Variants in PDE4B observed in about 807,000 individuals in gnomAD.
PDE4B encodes phosphodiesterase 4B, also known as 3',5'-cyclic-AMP phosphodiesterase 4B.
PDE4B carries 20 observed loss-of-function variants against 82.2 expected under a neutral mutation model. The ratio of observed to expected loss-of-function variants is 0.24; its 90% CI spans 0.17 to 0.35. The LOEUF is 0.35. Among genes scored for constraint, PDE4B ranks in the 10% least tolerant of loss-of-function variants. The pLI is 1.00. For synonymous variants in PDE4B, 320 were observed against 318.9 expected (o/e 1.00, Z -0.04); for missense variants, 655 against 907.2 (o/e 0.72, Z 3.57).
intron 3 of PDE4B, among the ~76,000 whole-genome samples, chr1:66,176,339 C>T (rs1289059731): frequency 6.6e-6 from 1 of 152,244 alleles, no homozygotes; most frequent in Non-Finnish European, 1.5e-5. Context: ...CGCCTAAAAT[C>T]TGCAGGTCCA....
chr1:65,987,485 CCT>C (rs1449800381), intron 3 of PDE4B, among the ~76,000 whole-genome samples: 3 of 152,128 alleles, frequency 2.0e-5, no homozygotes, highest in Non-Finnish European at 4.4e-5. Context: ...CATAAGGTAT[CCT>C]CTGTTATAAA....
chr1:66,257,652 G>C lies in PDE4B; in HGVS notation c.482G>C (p.Gly161Ala), dbSNP rs374832183. Residue 161 changes from glycine (G) to alanine (A), a missense_variant, in exon 5 of 17, where the codon GGC becomes GCC. Physicochemically the swap from Gly to Ala is moderately conservative, Grantham distance 60. Coordinates refer to ENST00000341517, the MANE Select transcript of PDE4B (RefSeq NM_002600.4). The part of the protein sequence containing the change: ...RNSSLPSEQH[G>A]DDLIVTPFAQ... ...TTTTTTTCTCTTTTCACCAGACACGGCGATGACTTGATTGTAACTCCTTTT... is the reference window on the plus strand; with the variant it reads ...TTTTTTTCTCTTTTCACCAGACACGCCGATGACTTGATTGTAACTCCTTTT... The C allele has an allele frequency of 6.2e-7, 1 of 1,613,530 alleles. No individual in the cohort carries two copies. The highest frequency in any genetic ancestry group is 2.2e-5 in the East Asian group (1 of 44,872).
chr1:66,178,030 TA>T (rs200574451), intron 3 of PDE4B, among the ~76,000 whole-genome samples: 126 of 141,642 alleles, frequency 8.9e-4, no homozygotes, highest in East Asian at 2.0e-3. Context: ...TACTATTCCT[TA>T]AAAAAAAAAA....
intron 1 of PDE4B, among the ~76,000 whole-genome samples, chr1:65,875,860 G>C (rs1413823795): frequency 6.6e-6 from 1 of 151,326 alleles, no homozygotes; most frequent in Admixed American, 6.6e-5. Context: ...TGGATGACGA[G>C]TTATTGGGTG....
intron 12 of PDE4B, 125 bp from the exon 13 acceptor site, chr1:66,365,542 G>C: frequency 3.5e-6 from 2 of 565,174 alleles, no homozygotes; most frequent in Non-Finnish European, 6.5e-6. Flanking sequence ...TTAGTATATT[G>C]AGATATTACA....
chr1:66,348,624 C>T (rs1255039042), intron 8 of PDE4B, among the ~76,000 whole-genome samples: 5 of 150,862 alleles, frequency 3.3e-5, no homozygotes, highest in Non-Finnish European at 7.4e-5. Flanking sequence ...CCAATCTCTT[C>T]ATAGGCTATT....
At position 65,965,438 on chromosome 1, in the gene PDE4B, T is replaced by C. The variant is rs564608665; in HGVS notation, c.281+46603T>C. ...ATCCTCAGAATAAAAATTAAGTACA[T>C]TTTATATGAAGCGATACACATTAGA... On this transcript the variant is annotated intron_variant, in intron 3 of 16. Coordinates refer to ENST00000341517, the MANE Select transcript of PDE4B (RefSeq NM_002600.4). 5.9e-5 allele frequency among the ~76,000 whole-genome samples: 9 copies of C among 152,148 alleles called. No homozygotes were observed. In the South Asian group the frequency reaches 1.4e-3, roughly 25 times the overall value.
intron 3 of PDE4B, among the ~76,000 whole-genome samples, chr1:66,056,308 G>T (rs1407474242): frequency 1.3e-5 from 2 of 152,156 alleles, no homozygotes; most frequent in African/African-American, 4.8e-5. Flanking sequence ...AGAGAGATGT[G>T]TGTAAAATTG....
chr1:66,136,697 CAAAAAAAAAAAAA>C (rs5774802), intron 3 of PDE4B, among the ~76,000 whole-genome samples: 1 of 61,564 alleles, frequency 1.6e-5, no homozygotes, highest in African/African-American at 7.1e-5. Context: ...GACTCCCTCT[CAAAAAAAAAAAAA>C]AAAAAAAAAA....
At chr1:66,295,805 T>C (rs2101824335) in intron 7 of PDE4B, among the ~76,000 whole-genome samples, 1 of 152,300 alleles carries the variant, frequency 6.6e-6, no homozygotes, top group East Asian at 1.9e-4. Flanking sequence ...GATTTCTATG[T>C]ACAACTTTCC....
chr1:65,997,601 A>G (rs1557485986), intron 3 of PDE4B, among the ~76,000 whole-genome samples: 1 of 152,206 alleles, frequency 6.6e-6, no homozygotes, highest in African/African-American at 2.4e-5. Context: ...ATATTGATCA[A>G]TTGCCTTGAA....
At chr1:65,818,685 C>CATATATAT (rs58193032) in intron 1 of PDE4B, among the ~76,000 whole-genome samples, 1,792 of 143,708 alleles carry the variant, frequency 0.012, 22 homozygotes, top group South Asian at 0.048. Flanking sequence ...CACACACACA[C>CATATATAT]ATATATATAT....
intron 3 of PDE4B, among the ~76,000 whole-genome samples, chr1:66,103,493 C>T (rs558346114): frequency 5.3e-5 from 8 of 152,116 alleles, no homozygotes; most frequent in Admixed American, 5.3e-4. Context: ...AATATTCTCC[C>T]ATACATATTA....
chr1:65,950,188 A>T (rs1361818855), intron 3 of PDE4B, among the ~76,000 whole-genome samples: 2 of 152,004 alleles, frequency 1.3e-5, no homozygotes, highest in African/African-American at 2.4e-5. Flanking sequence ...CCACATTCTT[A>T]TAGTTGTTAT....
At chr1:65,944,978 C>G (rs1285122763) in intron 3 of PDE4B, among the ~76,000 whole-genome samples, 1 of 151,856 alleles carries the variant, frequency 6.6e-6, no homozygotes, top group East Asian at 1.9e-4. Context: ...GATAATGTAT[C>G]CTGATCATCA....
intron 3 of PDE4B, among the ~76,000 whole-genome samples, chr1:66,104,518 A>T (rs1645298936): frequency 7.0e-6 from 1 of 143,542 alleles, no homozygotes; most frequent in Non-Finnish European, 1.5e-5. Flanking sequence ...CGCCACACTG[A>T]CTTCCACAAT....
At chr1:65,900,769 G>C (rs1415477700) in intron 1 of PDE4B, among the ~76,000 whole-genome samples, 10 of 152,138 alleles carry the variant, frequency 6.6e-5, no homozygotes, top group Admixed American at 6.6e-4. Flanking sequence ...AATGTTATTG[G>C]TGTATAGAAA....
intron 3 of PDE4B, among the ~76,000 whole-genome samples, chr1:65,960,495 G>A (rs1649492155): frequency 6.6e-6 from 1 of 152,110 alleles, no homozygotes; most frequent in African/African-American, 2.4e-5. Context: ...CACTTTAGGA[G>A]TCAGACAGCC....
intron 8 of PDE4B, among the ~76,000 whole-genome samples, chr1:66,341,270 T>C (rs2788646): frequency 0.55 from 84,241 of 151,998 alleles, 24,093 homozygotes; most frequent in East Asian, 0.81. Flanking sequence ...ATTAGTGGGA[T>C]TCAGGTATTA....
Sources: allele counts gnomAD v4.1 joint callset (sites outside exome capture counted in the v4.1 genomes callset), GRCh38; gene constraint gnomAD v4.1.1; transcripts MANE v1.5; gene names NCBI Gene and HGNC (gene_info 2026-07-23, HGNC 2026-07-21).